Variants in ZFHX3 observed in about 807,000 individuals in gnomAD.
ZFHX3 encodes the protein zinc finger homeobox protein 3.
In ZFHX3, 42 loss-of-function variants were observed where a neutral mutation model predicts 279.1. That is an observed-to-expected ratio of 0.15 (90% CI 0.12 to 0.19). The LOEUF (loss-of-function observed/expected upper bound fraction) is 0.19. ZFHX3 is among the 10% of genes least tolerant of loss of function. The pLI, the probability that ZFHX3 is intolerant of heterozygous loss-of-function variation, is 1.00. For missense variants in ZFHX3, 4,981 were observed against 4,754.0 expected, an observed-to-expected ratio of 1.05 and a Z score of -1.40; for synonymous variants, 2,293 against 1,957.8, an observed-to-expected ratio of 1.17 and a Z score of -4.52.
Position 73,147,691 on chromosome 16 carries a change from CAAAAAAAAAAAAAAA to C in ZFHX3, c.-1103-3875_-1103-3861del, listed in dbSNP as rs56079754. ...TGGGCGACAGAGCGAGACTCCGTCT[CAAAAAAAAAAAAAAA>C]AAAAAAAAAAAAAATTAGCCAGGCA... On this transcript the variant is annotated intron_variant, in intron 5 of 17. Coordinates refer to the ZFHX3 transcript ENST00000641206. Among the ~76,000 whole-genome samples, 193 of 40,914 alleles carry C rather than the reference CAAAAAAAAAAAAAAA, an allele frequency of 4.7e-3. 1 individual carries two copies. The highest frequency in any genetic ancestry group is 0.02 in the African/African-American group (182 of 9,198). 26.8% of individuals were successfully genotyped at this position (40,914 alleles called of 152,430 possible).
chr16:73,773,822 T>C (rs547091705), intron 1 of ZFHX3, among the ~76,000 whole-genome samples: 5 of 152,172 alleles, frequency 3.3e-5, no homozygotes, highest in Admixed American at 3.3e-4. Flanking sequence ...ACTCCAACAT[T>C]CCCTGGTACA....
rs549224608 is a variant in ZFHX3, at chr16:73,078,932, C to A, written c.-533+14303G>T. On this transcript the variant is annotated intron_variant, in intron 8 of 17. Coordinates refer to the ZFHX3 transcript ENST00000641206. ...GTGCTGGGATTACAGGTGTGAGCCA[C>A]CGCGCCCGGCCCCTTTGTTTCTTAA... Among the ~76,000 whole-genome samples the A allele has an allele frequency of 1.1e-4, 16 of 152,246 alleles. No homozygotes were observed. In the South Asian group the frequency reaches 3.3e-3, roughly 32 times the overall value.
chr16:73,578,832 T>C (rs1189832566), intron 2 of ZFHX3, among the ~76,000 whole-genome samples: 6 of 152,218 alleles, frequency 3.9e-5, no homozygotes, highest in African/African-American at 1.2e-4. Context: ...TTTGCTTCAC[T>C]CTTTGCTTTA....
chr16:73,001,260 C>T (rs891142239), intron 1 of ZFHX3, among the ~76,000 whole-genome samples: 2 of 152,174 alleles, frequency 1.3e-5, no homozygotes, highest in Non-Finnish European at 2.9e-5. Flanking sequence ...GCCAGCAGCT[C>T]TTGGGGAAAT....
chr16:73,152,274 G>T (rs559262583), intron 5 of ZFHX3, among the ~76,000 whole-genome samples: 1 of 152,086 alleles, frequency 6.6e-6, no homozygotes, highest in Non-Finnish European at 1.5e-5. Context: ...TTCAAGAATC[G>T]CATTCTATTC....
At chr16:73,004,716 T>G (rs1963644367) in intron 1 of ZFHX3, among the ~76,000 whole-genome samples, 1 of 152,250 alleles carries the variant, frequency 6.6e-6, no homozygotes, top group Non-Finnish European at 1.5e-5. Flanking sequence ...TGCCTTAAAA[T>G]TTTGTGATTA....
At chr16:72,974,041 C>T (rs1200035719) in intron 1 of ZFHX3, among the ~76,000 whole-genome samples, 1 of 152,162 alleles carries the variant, frequency 6.6e-6, no homozygotes, top group Non-Finnish European at 1.5e-5. Context: ...TCTTAGTCAG[C>T]AGAACACTAA....
In ZFHX3 at chr16:73,333,855, G is replaced by A. The variant is rs556089347; in HGVS notation, c.-1290-15519C>T. 3.4e-5 allele frequency among the ~76,000 whole-genome samples: 5 copies of A among 149,010 alleles called. No homozygotes were observed. The East Asian group carries it at 9.9e-4, about 29-fold the overall frequency. On this transcript the variant is annotated intron_variant, in intron 3 of 17. Coordinates refer to the ZFHX3 transcript ENST00000641206. ...AAGGTGGTCCCTTCACAAGACAGAA[G>A]GTACACAAGAGGAGCAGGTTAAGGA...
chr16:73,185,837 T>C (rs769242433), intron 5 of ZFHX3, among the ~76,000 whole-genome samples: 36 of 152,074 alleles, frequency 2.4e-4, no homozygotes, highest in Non-Finnish European at 4.1e-4. Context: ...TACTGGTCCA[T>C]GGCCTGTCAG....
intron 2 of ZFHX3, among the ~76,000 whole-genome samples, chr16:73,632,935 C>T (rs1392624355): frequency 6.6e-6 from 1 of 151,262 alleles, no homozygotes; most frequent in Non-Finnish European, 1.5e-5. Context: ...ATAAATTGGC[C>T]GGGTGTGGTG....
At chr16:73,005,905 T>G (rs918316452) in intron 1 of ZFHX3, 3 of 152,208 alleles carry the variant, frequency 2.0e-5, no homozygotes, top group African/African-American at 7.2e-5. Flanking sequence ...ACCAGACACA[T>G]TTCTATTTGA....
At chr16:73,568,683 T>G (rs2020484030) in intron 2 of ZFHX3, among the ~76,000 whole-genome samples, 2 of 152,140 alleles carry the variant, frequency 1.3e-5, no homozygotes, top group East Asian at 3.9e-4. Flanking sequence ...CCACCGTCAT[T>G]GCCATTGTGC....
At chr16:73,069,762 G>A (rs1274417932) in intron 8 of ZFHX3, among the ~76,000 whole-genome samples, 1 of 152,120 alleles carries the variant, frequency 6.6e-6, no homozygotes, top group African/African-American at 2.4e-5. Flanking sequence ...AACTGAGTTG[G>A]TCACTCCACT....
intron 5 of ZFHX3, among the ~76,000 whole-genome samples, chr16:73,167,827 C>T (rs908308045): frequency 6.6e-6 from 1 of 152,194 alleles, no homozygotes; most frequent in African/African-American, 2.4e-5. Flanking sequence ...TTTTCACCTA[C>T]CCGCTTGAAC....
At position 73,213,450 on chromosome 16, in the gene ZFHX3, C is replaced by T. The variant is rs181871271; in HGVS notation, c.-1104+43597G>A. Among the ~76,000 whole-genome samples the T allele has an allele frequency of 2.7e-3, 418 of 152,258 alleles. 1 individual carries two copies. The highest frequency in any genetic ancestry group is 0.011 in the South Asian group (54 of 4,814). On this transcript the variant is annotated intron_variant, in intron 5 of 17. Transcript: ENST00000641206. The stretch of plus-strand genomic sequence containing the variant: ...CCCACATGTGCAAGGAGAAAGAGAT[C>T]GGTTTTCAATAGTAGTTTGCTGAGG...
chr16:72,989,218 T>C (rs1270565230), intron 1 of ZFHX3, among the ~76,000 whole-genome samples: 4 of 151,032 alleles, frequency 2.6e-5, no homozygotes, highest in African/African-American at 9.7e-5. Flanking sequence ...GGTGCGGCTG[T>C]TCATGACTAT....
chr16:73,249,976 A>G (rs2144954789), intron 5 of ZFHX3, among the ~76,000 whole-genome samples: 1 of 152,342 alleles, frequency 6.6e-6, no homozygotes, highest in African/African-American at 2.4e-5. Flanking sequence ...GCATGGATGT[A>G]AAGGATGACA....
At chr16:72,841,198 C>G (rs987126807) in intron 4 of ZFHX3, among the ~76,000 whole-genome samples, 19 of 152,172 alleles carry the variant, frequency 1.2e-4, no homozygotes, top group African/African-American at 4.6e-4. Flanking sequence ...TGCGTCTACA[C>G]GTGGAAAGTC....
chr16:73,721,934 A>G (rs969361486), intron 1 of ZFHX3, among the ~76,000 whole-genome samples: 24 of 152,154 alleles, frequency 1.6e-4, no homozygotes, highest in Non-Finnish European at 2.8e-4. Flanking sequence ...AGTCCCAGCT[A>G]CTCGGGAGAC....
Sources: gnomAD v4.1 joint callset for allele counts (sites outside exome capture counted in the v4.1 genomes callset) on GRCh38, gnomAD v4.1.1 for gene constraint, MANE v1.5 for transcripts, NCBI Gene and HGNC (gene_info 2026-07-23, HGNC 2026-07-21) for gene names.